SYNDIG1: variants seen among roughly 807,000 people sequenced by gnomAD.
SYNDIG1 encodes synapse differentiation inducing 1.
SYNDIG1 carries 9 observed loss-of-function variants against 19.4 expected under a neutral mutation model. That is an observed-to-expected ratio of 0.46 (90% CI 0.28 to 0.81). The LOEUF is 0.81. Among genes scored for constraint, SYNDIG1 ranks in the 30% least tolerant of loss-of-function variants. The pLI is 0.12. For synonymous variants in SYNDIG1, 141 were observed against 145.9 expected, an observed-to-expected ratio of 0.97 and a Z score of 0.24; for missense variants, 311 against 343.3, an observed-to-expected ratio of 0.91 and a Z score of 0.74.
At chr20:24,481,187 A>G (rs1473392684) in intron 1 of SYNDIG1, among the ~76,000 whole-genome samples, 2 of 152,218 alleles carry the variant, frequency 1.3e-5, no homozygotes, top group Non-Finnish European at 2.9e-5. Flanking sequence ...ACTGGTATGT[A>G]GTTAACAGGC....
intron 3 of SYNDIG1, among the ~76,000 whole-genome samples, chr20:24,599,684 A>G (rs1211707960): frequency 6.6e-6 from 1 of 152,212 alleles, no homozygotes; most frequent in Admixed American, 6.5e-5. Context: ...CATTTTCAGC[A>G]TCGTGGATGG....
At chr20:24,582,213 C>T (rs1408776284) in intron 2 of SYNDIG1, among the ~76,000 whole-genome samples, 1 of 138,962 alleles carries the variant, frequency 7.2e-6, no homozygotes, top group Non-Finnish European at 1.6e-5. Context: ...CCCTGCACTT[C>T]CTCCCCACTT....
intron 2 of SYNDIG1, among the ~76,000 whole-genome samples, chr20:24,562,683 G>A (rs115125067): frequency 0.02 from 2,998 of 152,282 alleles, 91 homozygotes; most frequent in African/African-American, 0.068. Flanking sequence ...CCAAATGTGT[G>A]TGCTGAGAAA....
intron 3 of SYNDIG1, among the ~76,000 whole-genome samples, chr20:24,603,479 G>A (rs1165894533): frequency 7.9e-5 from 12 of 152,042 alleles, no homozygotes; most frequent in Admixed American, 5.9e-4. Flanking sequence ...GTTCCTGCAC[G>A]GTAAGTGGAA....
intron 3 of SYNDIG1, among the ~76,000 whole-genome samples, chr20:24,626,404 T>C (rs1035342465): frequency 1.4e-5 from 2 of 144,528 alleles, no homozygotes; most frequent in African/African-American, 5.3e-5. Context: ...GACAGGGTCG[T>C]GGCCGGGCCG....
chr20:24,625,033 T>C (rs2059101744), intron 3 of SYNDIG1, among the ~76,000 whole-genome samples: 1 of 152,220 alleles, frequency 6.6e-6, no homozygotes, highest in African/African-American at 2.4e-5. Context: ...ATTTGGGAGA[T>C]GTAGTTAAAG....
At chr20:24,609,463 T>C (rs1029584801) in intron 3 of SYNDIG1, among the ~76,000 whole-genome samples, 2 of 152,156 alleles carry the variant, frequency 1.3e-5, no homozygotes, top group African/African-American at 4.8e-5. Flanking sequence ...TATCAGTCCA[T>C]ATGTACGTCC....
At chr20:24,549,462 A>G (rs989555746) in intron 2 of SYNDIG1, among the ~76,000 whole-genome samples, 3 of 152,120 alleles carry the variant, frequency 2.0e-5, no homozygotes, top group African/African-American at 7.2e-5. Flanking sequence ...TTCCCCTTGC[A>G]GGACGTGGGG....
At chr20:24,572,629 A>G (rs6114777) in intron 2 of SYNDIG1, among the ~76,000 whole-genome samples, 3,023 of 152,274 alleles carry the variant, frequency 0.02, 100 homozygotes, top group African/African-American at 0.068. Flanking sequence ...AGGGTTGGGC[A>G]GGATATGGGG....
At chr20:24,585,053 G>GGGGGGGC in intron 3 of SYNDIG1, 60 bp downstream of exon 3, 6 of 647,974 alleles carry the variant, frequency 9.3e-6, no homozygotes, top group Non-Finnish European at 1.6e-5. Context: ...GGGGGTGGGG[G>GGGGGGGC]CGGCAATCCC....
chr20:24,616,469 G>T (rs1053333582), intron 3 of SYNDIG1, among the ~76,000 whole-genome samples: 1 of 152,236 alleles, frequency 6.6e-6, no homozygotes, highest in African/African-American at 2.4e-5. Flanking sequence ...TTCCAGACAG[G>T]GCCGAGGTTG....
chr20:24,544,677 A>C (rs1351841862), intron 2 of SYNDIG1, among the ~76,000 whole-genome samples: 1 of 152,034 alleles, frequency 6.6e-6, no homozygotes, highest in Non-Finnish European at 1.5e-5. Context: ...GGGTAAGGGA[A>C]AGTTTGAAGG....
chr20:24,514,940 G>A (rs1317349483), intron 1 of SYNDIG1, among the ~76,000 whole-genome samples: 5 of 152,206 alleles, frequency 3.3e-5, no homozygotes, highest in African/African-American at 1.2e-4. Flanking sequence ...AGACCACAGT[G>A]CAACCAAACT....
At chr20:24,577,754 C>T (rs1296748650) in intron 2 of SYNDIG1, among the ~76,000 whole-genome samples, 1 of 152,164 alleles carries the variant, frequency 6.6e-6, no homozygotes, top group Non-Finnish European at 1.5e-5. Context: ...CAGTCTTGAG[C>T]GTGGCCAAGT....
At chr20:24,617,117 C>G (rs758627020) in intron 3 of SYNDIG1, among the ~76,000 whole-genome samples, 3 of 152,162 alleles carry the variant, frequency 2.0e-5, no homozygotes, top group Non-Finnish European at 4.4e-5. Context: ...AAAATTTACC[C>G]GGTGTGATAG....
Position 24,485,256 on chromosome 20 carries a change from T to C in SYNDIG1, c.-79+15503T>C, listed in dbSNP as rs1405217259. Among the ~76,000 whole-genome samples, 3 of 152,340 alleles carry C rather than the reference T, an allele frequency of 2.0e-5. No homozygotes were observed. In the East Asian group the frequency reaches 5.8e-4, roughly 29 times the overall value. On this transcript the variant is annotated intron_variant, in intron 1 of 3. Coordinates refer to ENST00000376862, the MANE Select transcript of SYNDIG1 (RefSeq NM_024893.3). ...ACATAGTCTTAATTATTTTCCAATG[T>C]CTGTATATATTCTTAGTGTGTCATA...
chr20:24,623,907 GTATTAATTATCAGTTA>G (rs1302413654), intron 3 of SYNDIG1, among the ~76,000 whole-genome samples: 4 of 152,190 alleles, frequency 2.6e-5, no homozygotes, highest in Non-Finnish European at 5.9e-5. Flanking sequence ...TAATCTGACT[GTATTAATTATCAGTTA>G]TATATGACAT....
At chr20:24,576,619 G>A (rs772984170) in intron 2 of SYNDIG1, among the ~76,000 whole-genome samples, 5 of 152,176 alleles carry the variant, frequency 3.3e-5, no homozygotes, top group Admixed American at 6.5e-5. Flanking sequence ...AGCACTTGGC[G>A]CTGACGGGAA....
chr20:24,654,346 A>C (rs575175850), intron 3 of SYNDIG1, among the ~76,000 whole-genome samples: 1 of 152,338 alleles, frequency 6.6e-6, no homozygotes, highest in South Asian at 2.1e-4. Flanking sequence ...AGTGTCTTTC[A>C]AAAAATCTAT....
Sources: allele counts gnomAD v4.1 joint callset (sites outside exome capture counted in the v4.1 genomes callset), GRCh38; gene constraint gnomAD v4.1.1; transcripts MANE v1.5; gene names NCBI Gene and HGNC (gene_info 2026-07-23, HGNC 2026-07-21).